The following HOXC4 variants were observed in gnomAD, a reference collection of about 807,000 sequenced individuals.
HOXC4 encodes homeobox protein Hox-C4.
A neutral mutation model predicts 25.5 loss-of-function variants in HOXC4; 15 were observed. The observed-to-expected ratio is 0.59, with a 90% CI of 0.39 to 0.91. The LOEUF (loss-of-function observed/expected upper bound fraction) is 0.91. Among genes scored for constraint, HOXC4 ranks in the 40% least tolerant of loss-of-function variants. HOXC4 has a pLI of 0.00. For missense variants in HOXC4, 342 were observed against 352.4 expected, an observed-to-expected ratio of 0.97 and a Z score of 0.24; for synonymous variants, 165 against 148.0, an observed-to-expected ratio of 1.11 and a Z score of -0.83.
upstream of HOXC4, among the ~76,000 whole-genome samples, chr12:54,051,328 G>A (rs975418026): frequency 6.6e-6 from 1 of 151,878 alleles, no homozygotes; most frequent in Admixed American, 6.6e-5. Flanking sequence ...GAGCCATCTG[G>A]GACTACAGTT....
intron 1 of HOXC4, among the ~76,000 whole-genome samples, chr12:54,018,023 T>C (rs888482654): frequency 6.6e-6 from 1 of 152,016 alleles, no homozygotes; most frequent in East Asian, 1.9e-4. Context: ...GCCTGTTAAT[T>C]GGCAATTAGG....
At chr12:54,034,212 G>A in intron 1 of HOXC4, 1 of 1,436,358 alleles carries the variant, frequency 7.0e-7, no homozygotes, top group Non-Finnish European at 9.7e-7. Flanking sequence ...CTGGGCTGGG[G>A]TGGGGACGGG....
chr12:54,037,399 C>T (rs1941203504), intron 1 of HOXC4, among the ~76,000 whole-genome samples: 1 of 152,122 alleles, frequency 6.6e-6, no homozygotes, highest in African/African-American at 2.4e-5. Flanking sequence ...CCTGCCTCTC[C>T]ACTTTGCCCT....
intron 1 of HOXC4, among the ~76,000 whole-genome samples, chr12:54,039,360 G>C (rs1218666452): frequency 6.6e-6 from 1 of 152,102 alleles, no homozygotes; most frequent in Non-Finnish European, 1.5e-5. Context: ...GAGAAGGAAG[G>C]GGGCACAGAG....
At chr12:54,051,032 G>A (rs1032055312), upstream of HOXC4, among the ~76,000 whole-genome samples, 4 of 152,030 alleles carry the variant, frequency 2.6e-5, no homozygotes, top group Admixed American at 6.5e-5. Context: ...GAAACCTGGC[G>A]GGGGTGGGAT....
chr12:54,041,906 A>G (rs1266405544), intron 1 of HOXC4, among the ~76,000 whole-genome samples: 1 of 151,126 alleles, frequency 6.6e-6, no homozygotes, highest in East Asian at 1.9e-4. Context: ...CAGGTAATCC[A>G]CACGCCTCAT....
chr12:54,031,741 G>C (rs1412300069), intron 1 of HOXC4, among the ~76,000 whole-genome samples: 1 of 152,200 alleles, frequency 6.6e-6, no homozygotes, highest in Non-Finnish European at 1.5e-5. Flanking sequence ...TTCTCCTGGC[G>C]GGGCGGAGAT....
chr12:54,026,066 C>A (rs1342121161), intron 1 of HOXC4, among the ~76,000 whole-genome samples: 1 of 152,108 alleles, frequency 6.6e-6, no homozygotes, highest in East Asian at 1.9e-4. Flanking sequence ...AATTTAATAT[C>A]TTGAAGGAAA....
intron 1 of HOXC4, among the ~76,000 whole-genome samples, chr12:54,018,608 G>T (rs965129086): frequency 3.3e-5 from 5 of 152,334 alleles, no homozygotes; most frequent in African/African-American, 9.6e-5. Flanking sequence ...AAATGTACGT[G>T]GCCCTGAATG....
intron 1 of HOXC4, among the ~76,000 whole-genome samples, chr12:54,032,271 C>G (rs1489969267): frequency 6.6e-6 from 1 of 152,206 alleles, no homozygotes; most frequent in Non-Finnish European, 1.5e-5. Flanking sequence ...GCCTGCAACA[C>G]CCTCAGCTTC....
Position 54,054,987 on chromosome 12 carries a change from C to A in HOXC4, c.577C>A (p.Leu193Met). ...GAGAAGGATCGAGATCGCCCACTCG[C>A]TGTGCCTCTCTGAGAGGCAGATCAA... Reference protein sequence around the residue: ...RRRRIEIAHSLCLSERQIKIW... With the variant: ...RRRRIEIAHSMCLSERQIKIW... Residue 193 changes from leucine (L) to methionine (M), a missense_variant, in exon 2 of 2, where the codon CTG becomes ATG. Leu to Met is a conservative substitution (Grantham distance 15). Transcript: ENST00000430889. 1 of 1,614,114 alleles carries A rather than the reference C, an allele frequency of 6.2e-7. No homozygotes were observed. The highest frequency in any genetic ancestry group is 8.5e-7 in the Non-Finnish European group (1 of 1,180,010).
chr12:54,029,657 G>C, intron 1 of HOXC4: 1 of 1,611,260 alleles, frequency 6.2e-7, no homozygotes, highest in Non-Finnish European at 8.5e-7. Context: ...ATCTTTAGGG[G>C]TCGGCTACGG....
intron 1 of HOXC4, among the ~76,000 whole-genome samples, chr12:54,036,122 G>A (rs559165382): frequency 1.1e-3 from 160 of 152,284 alleles, no homozygotes; most frequent in African/African-American, 3.8e-3. Context: ...GGTTAAAAGT[G>A]GGGGTGGGAG....
chr12:54,048,682 G>A (rs1292221831), intron 1 of HOXC4, among the ~76,000 whole-genome samples: 1 of 152,072 alleles, frequency 6.6e-6, no homozygotes, highest in Non-Finnish European at 1.5e-5. Flanking sequence ...TTGGTCTTGG[G>A]TGCATAATCT....
chr12:54,020,115 A>T (rs918978481), intron 1 of HOXC4: 2 of 152,240 alleles, frequency 1.3e-5, no homozygotes, highest in Non-Finnish European at 2.9e-5. Context: ...CACCAGTGGC[A>T]ACTCTAAGCC....
At chr12:54,045,259 T>A (rs562309567) in intron 1 of HOXC4, among the ~76,000 whole-genome samples, 2 of 152,374 alleles carry the variant, frequency 1.3e-5, no homozygotes, top group African/African-American at 2.4e-5. Context: ...TCAGGATGTA[T>A]GTTTTATATT....
intron 1 of HOXC4, among the ~76,000 whole-genome samples, chr12:54,046,395 G>C (rs2136460732): frequency 6.6e-6 from 1 of 152,232 alleles, no homozygotes; most frequent in African/African-American, 2.4e-5. Flanking sequence ...CGGCAACATT[G>C]CTGTGGGGGA....
intron 1 of HOXC4, among the ~76,000 whole-genome samples, chr12:54,026,277 CTTG>C (rs1348735364): frequency 6.6e-6 from 1 of 152,136 alleles, no homozygotes; most frequent in African/African-American, 2.4e-5. Flanking sequence ...GTACTCCTGC[CTTG>C]TTGTCTCTCC....
intron 1 of HOXC4, chr12:54,022,383 C>T (rs1413476704): frequency 1.3e-5 from 2 of 152,156 alleles, no homozygotes; most frequent in African/African-American, 4.8e-5. Flanking sequence ...TATATGTCTC[C>T]AATCCTGCCA....
Sources: allele counts gnomAD v4.1 joint callset (sites outside exome capture counted in the v4.1 genomes callset), GRCh38; gene constraint gnomAD v4.1.1; transcripts MANE v1.5; gene names NCBI Gene and HGNC (gene_info 2026-07-23, HGNC 2026-07-21).